The following LDAF1 variants were observed in gnomAD, a reference collection of about 807,000 sequenced individuals.
LDAF1 encodes the protein lipid droplet assembly factor 1.
In LDAF1, 7 loss-of-function variants were observed where a neutral mutation model predicts 13.5. That is an observed-to-expected ratio of 0.52 (90% CI 0.29 to 0.97). LDAF1 has a LOEUF of 0.97. Among genes scored for constraint, LDAF1 ranks in the 50% least tolerant of loss-of-function variants. LDAF1 has a pLI of 0.07. For synonymous variants in LDAF1, 69 were observed against 77.1 expected (o/e 0.89, Z 0.55); for missense variants, 148 against 193.2 (o/e 0.77, Z 1.39).
At chr16:21,169,271 T>A in intron 2 of LDAF1, 1 of 487,698 alleles carries the variant, frequency 2.1e-6, no homozygotes, top group Non-Finnish European at 2.7e-6. Context: ...TAAAAGGCAG[T>A]CTGATTCATC....
intron 2 of LDAF1, among the ~76,000 whole-genome samples, chr16:21,168,106 C>A (rs2093043922): frequency 6.6e-6 from 1 of 152,062 alleles, no homozygotes; most frequent in African/African-American, 2.4e-5. Context: ...CCTCCGCCTT[C>A]CAGGCTCAAA....
intron 2 of LDAF1, among the ~76,000 whole-genome samples, chr16:21,161,507 G>C (rs111328860): frequency 1.2e-4 from 18 of 152,188 alleles, no homozygotes; most frequent in Non-Finnish European, 2.2e-4. Context: ...TTTGAGGAGG[G>C]GGGAAGAGAG....
chr16:21,159,374 C>T, intron 1 of LDAF1: 1 of 1,614,144 alleles, frequency 6.2e-7, no homozygotes, highest in Non-Finnish European at 8.5e-7. Flanking sequence ...GGCTTTTGAA[C>T]GCTGAAAGGC....
intron 2 of LDAF1, among the ~76,000 whole-genome samples, chr16:21,161,561 A>G (rs1281162506): frequency 6.6e-6 from 1 of 152,240 alleles, no homozygotes; most frequent in Non-Finnish European, 1.5e-5. Flanking sequence ...TGGGAGTCGC[A>G]CACAATACTT....
At chr16:21,170,751 C>A in intron 3 of LDAF1, 146 bp downstream of exon 3, 1 of 940,614 alleles carries the variant, frequency 1.1e-6, no homozygotes, top group African/African-American at 1.7e-5. Flanking sequence ...AGTGATCCTC[C>A]CACGTCGGCC....
In LDAF1 at chr16:21,180,112, A is replaced by T. The variant is rs1442623801; in HGVS notation, c.*556A>T. 4 of 155,438 alleles carry T rather than the reference A, an allele frequency of 2.6e-5. No homozygotes were observed. Among genetic ancestry groups the T allele is most frequent in the African/African-American group, 9.7e-5 (4 of 41,446 alleles). The allele number at this position is 155,438 out of a possible 1,614,324, so 9.6% of individuals were successfully genotyped here. On this transcript the variant is annotated 3_prime_UTR_variant, in exon 5 of 5. Coordinates refer to ENST00000233047, the MANE Select transcript of LDAF1 (RefSeq NM_001301771.2). ...CAAGAGTATTTTCAAAAAAGTCTAA[A>T]GGTGTAGTTTCCACTGTAACTGTTG...
intron 1 of LDAF1, chr16:21,159,269 T>G: frequency 6.8e-7 from 1 of 1,466,590 alleles, no homozygotes; most frequent in Non-Finnish European, 9.6e-7. Context: ...TCGACTCCCC[T>G]CTGAGTTCCC....
chr16:21,179,309 C>T, intron 4 of LDAF1, 166 bp from the exon 5 acceptor site: 1 of 977,548 alleles, frequency 1.0e-6, no homozygotes, highest in Non-Finnish European at 1.2e-6. Flanking sequence ...TTTTAACCTC[C>T]TGTGCCCTCA....
intron 2 of LDAF1, chr16:21,166,704 G>T: frequency 1.4e-6 from 1 of 690,744 alleles, no homozygotes; most frequent in Non-Finnish European, 2.5e-6. Flanking sequence ...TAAAGATCAG[G>T]TGACACAGGG....
intron 4 of LDAF1, 103 bp downstream of exon 4, chr16:21,174,251 A>G: frequency 9.0e-7 from 1 of 1,111,876 alleles, no homozygotes; most frequent in Non-Finnish European, 1.3e-6. Context: ...GTGCAGTGGC[A>G]TGAACATAGC....
At chr16:21,177,882 T>C (rs2093153695) in intron 4 of LDAF1, among the ~76,000 whole-genome samples, 1 of 152,110 alleles carries the variant, frequency 6.6e-6, no homozygotes, top group Admixed American at 6.6e-5. Flanking sequence ...CCTCCCAAGA[T>C]GCTGGGATTA....
At chr16:21,162,939 CACA>C (rs1220361632) in intron 2 of LDAF1, among the ~76,000 whole-genome samples, 2 of 152,204 alleles carry the variant, frequency 1.3e-5, no homozygotes, top group Non-Finnish European at 2.9e-5. Flanking sequence ...GCCTCCTGTT[CACA>C]ACATTTTTGT....
At chr16:21,170,004 G>A (rs1009933735) in intron 2 of LDAF1, among the ~76,000 whole-genome samples, 2 of 150,884 alleles carry the variant, frequency 1.3e-5, no homozygotes, top group Non-Finnish European at 2.9e-5. Context: ...CCAGGCTGGC[G>A]TGCAATGGTG....
At chr16:21,159,569 G>C in intron 1 of LDAF1, 1 of 907,622 alleles carries the variant, frequency 1.1e-6, no homozygotes, top group Non-Finnish European at 1.7e-6. Context: ...GGGTTAGCTG[G>C]TGTTGGCCTG....
chr16:21,171,687 A>G (rs1245878750), intron 3 of LDAF1, among the ~76,000 whole-genome samples: 1 of 152,090 alleles, frequency 6.6e-6, no homozygotes, highest in African/African-American at 2.4e-5. Flanking sequence ...GGACAGGGGA[A>G]CAGCATGTGC....
chr16:21,160,622 G>GTA (rs2152841149), intron 1 of LDAF1, among the ~76,000 whole-genome samples: 1 of 152,294 alleles, frequency 6.6e-6, no homozygotes, highest in South Asian at 2.1e-4. Context: ...CTTGCTTTCT[G>GTA]TATATTTTCA....
intron 1 of LDAF1, chr16:21,159,507 G>C: frequency 6.9e-7 from 1 of 1,454,672 alleles, no homozygotes; most frequent in Non-Finnish European, 9.6e-7. Context: ...TTCCCCTGGA[G>C]GTTCGGGGGT....
intron 2 of LDAF1, among the ~76,000 whole-genome samples, chr16:21,163,477 T>A (rs564241004): frequency 7.9e-5 from 12 of 152,198 alleles, no homozygotes; most frequent in Non-Finnish European, 1.8e-4. Context: ...AAACCCCTTC[T>A]CTACGAAAAA....
chr16:21,169,901 T>G (rs1449980758), intron 2 of LDAF1, among the ~76,000 whole-genome samples: 1 of 147,920 alleles, frequency 6.8e-6, no homozygotes, highest in Non-Finnish European at 1.5e-5. Flanking sequence ...TTGGGAGAAG[T>G]CTTGTTGTAG....
Sources: allele counts gnomAD v4.1 joint callset (sites outside exome capture counted in the v4.1 genomes callset), GRCh38; gene constraint gnomAD v4.1.1; transcripts MANE v1.5; gene names NCBI Gene and HGNC (gene_info 2026-07-23, HGNC 2026-07-21).